Variants in DAPK2 observed in about 807,000 individuals in gnomAD.
The protein encoded by DAPK2 is death associated protein kinase 2, also known as death-associated protein kinase 2.
In DAPK2, 35 loss-of-function variants were observed where a neutral mutation model predicts 44.1. The observed-to-expected ratio is 0.79, with a 90% CI of 0.61 to 1.05. The LOEUF is 1.05. Among genes scored for constraint, DAPK2 ranks in the 50% least tolerant of loss-of-function variants. The pLI is 0.00. For synonymous variants in DAPK2, 174 were observed against 182.6 expected (o/e 0.95, Z 0.38); for missense variants, 453 against 483.2 (o/e 0.94, Z 0.59).
At chr15:64,024,261 G>A (rs2079771758) in intron 1 of DAPK2, among the ~76,000 whole-genome samples, 1 of 152,198 alleles carries the variant, frequency 6.6e-6, no homozygotes, top group East Asian at 1.9e-4. Context: ...GTCCTTGCCT[G>A]AGACTTCAAG....
At chr15:64,037,125 T>C (rs2080233288) in intron 1 of DAPK2, among the ~76,000 whole-genome samples, 1 of 152,142 alleles carries the variant, frequency 6.6e-6, no homozygotes, top group African/African-American at 2.4e-5. Flanking sequence ...CCCCAACCCA[T>C]GTGACCCCAA....
intron 1 of DAPK2, among the ~76,000 whole-genome samples, chr15:63,997,855 T>C (rs899483495): frequency 8.5e-5 from 13 of 152,152 alleles, no homozygotes; most frequent in African/African-American, 3.1e-4. Context: ...TGTTACAAGG[T>C]GGCTGTGAGA....
chr15:63,924,588 T>G (rs72752957), intron 8 of DAPK2: 1 of 526,176 alleles, frequency 1.9e-6, no homozygotes, highest in Non-Finnish European at 3.4e-6. Context: ...AGGGTTTCAT[T>G]TCATAAGTTA....
intron 3 of DAPK2, among the ~76,000 whole-genome samples, chr15:63,949,657 T>C (rs2077537600): frequency 6.6e-6 from 1 of 152,218 alleles, no homozygotes; most frequent in Admixed American, 6.5e-5. Flanking sequence ...CCAAGATGCA[T>C]GACTTCAAAG....
intron 1 of DAPK2, among the ~76,000 whole-genome samples, chr15:63,985,438 T>C (rs1208637890): frequency 6.6e-6 from 1 of 152,138 alleles, no homozygotes; most frequent in Non-Finnish European, 1.5e-5. Context: ...CAACAAACAC[T>C]TGACCGAGCT....
chr15:64,025,143 C>T (rs960855630), intron 1 of DAPK2, among the ~76,000 whole-genome samples: 2 of 152,122 alleles, frequency 1.3e-5, no homozygotes, highest in Non-Finnish European at 2.9e-5. Context: ...CTTGGTACTT[C>T]AAAGAGAGCA....
At chr15:64,031,376 G>C (rs540369105) in intron 1 of DAPK2, among the ~76,000 whole-genome samples, 23 of 152,234 alleles carry the variant, frequency 1.5e-4, no homozygotes, top group African/African-American at 5.5e-4. Context: ...GGGACTACAG[G>C]CGTGTGCCAC....
chr15:63,956,065 T>C (rs1292746384), intron 3 of DAPK2, among the ~76,000 whole-genome samples: 3 of 152,210 alleles, frequency 2.0e-5, no homozygotes, highest in African/African-American at 7.2e-5. Context: ...TTCTAGGTTG[T>C]CCAGCCTATT....
rs370370764 is a variant in DAPK2 at position 63,912,085 on chromosome 15, C to T, written c.948+23G>A. The T allele has an allele frequency of 8.3e-5, 134 of 1,607,422 alleles. No homozygotes were observed. The highest frequency in any genetic ancestry group is 1.1e-4 in the Non-Finnish European group (125 of 1,176,896). The stretch of plus-strand genomic sequence containing the variant: ...CCGCCCTAGCCCCCACCCTGTCCCC[C>T]GCCGCCCCAACCCTGGACACACCTT... On this transcript the variant is annotated intron_variant, in intron 9 of 10. Transcript: ENST00000261891. The surrounding 1 kb of genome is among the most constrained non-coding windows in gnomAD (Gnocchi z 4.4).
intron 1 of DAPK2, among the ~76,000 whole-genome samples, chr15:63,994,097 A>G (rs983275786): frequency 6.6e-6 from 1 of 152,162 alleles, no homozygotes; most frequent in Non-Finnish European, 1.5e-5. Context: ...AAACACCACA[A>G]AAGTATTTCT....
At chr15:64,042,495 A>G (rs1257872722), upstream of DAPK2, among the ~76,000 whole-genome samples, 2 of 152,202 alleles carry the variant, frequency 1.3e-5, no homozygotes, top group Non-Finnish European at 2.9e-5. This position sits in a 1 kb window ranked among gnomAD's most constrained non-coding sequence, Gnocchi z 4.7. Context: ...AGGAACAGCT[A>G]AGATCTCCCA....
chr15:63,937,029 G>A (rs1326717360), intron 4 of DAPK2, among the ~76,000 whole-genome samples: 4 of 148,944 alleles, frequency 2.7e-5, no homozygotes, highest in Non-Finnish European at 4.5e-5. Context: ...GGGCTTTTCA[G>A]AACACCTAAT....
chr15:63,926,632 G>A (rs779473744), intron 6 of DAPK2, among the ~76,000 whole-genome samples: 8 of 152,088 alleles, frequency 5.3e-5, no homozygotes, highest in Non-Finnish European at 8.8e-5. Context: ...TCCCCAACAG[G>A]GTTTGTCAAG....
At chr15:63,925,615 G>A (rs1199966130) in intron 7 of DAPK2, among the ~76,000 whole-genome samples, 1 of 150,752 alleles carries the variant, frequency 6.6e-6, no homozygotes, top group East Asian at 2.0e-4. Context: ...CTGAATTCCA[G>A]GTGCCTTTGG....
chr15:63,976,853 T>C (rs181091779), intron 2 of DAPK2, among the ~76,000 whole-genome samples: 2 of 152,368 alleles, frequency 1.3e-5, no homozygotes, highest in East Asian at 3.8e-4. Context: ...CACCTATTTC[T>C]TTTTGTTTAG....
At chr15:64,037,430 C>A (rs763977067) in intron 1 of DAPK2, among the ~76,000 whole-genome samples, 1 of 152,246 alleles carries the variant, frequency 6.6e-6, no homozygotes, top group African/African-American at 2.4e-5. Flanking sequence ...CAATCCCTTG[C>A]AGGGCATCCT....
At position 64,039,311 on chromosome 15, in the gene DAPK2, A is replaced by T. The variant is rs74021245; in HGVS notation, c.92+859T>A. Among the ~76,000 whole-genome samples, 917 of 152,376 alleles carry T rather than the reference A, an allele frequency of 6.0e-3. 12 individuals are homozygous for T. The highest frequency in any genetic ancestry group is 0.021 in the African/African-American group (861 of 41,588). ...TCTGATGAGCATGTGTGAGTGTACA[A>T]GTGCCAAGCTCATGGGAGAGGGCAT... On this transcript the variant is annotated intron_variant, in intron 1 of 10. Coordinates refer to ENST00000261891, the Ensembl canonical transcript of DAPK2.
intron 3 of DAPK2, among the ~76,000 whole-genome samples, chr15:63,969,522 T>C (rs535781677): frequency 8.8e-4 from 134 of 152,030 alleles, no homozygotes; most frequent in African/African-American, 3.0e-3. Flanking sequence ...GGTGGACCAC[T>C]TGAGCCCAGG....
At chr15:64,021,855 C>T (rs2079692479) in intron 1 of DAPK2, among the ~76,000 whole-genome samples, 1 of 152,148 alleles carries the variant, frequency 6.6e-6, no homozygotes, top group Admixed American at 6.5e-5. Flanking sequence ...AGGAAAAGAA[C>T]ATCTTATAAA....
Sources: gnomAD v4.1 joint callset for allele counts (sites outside exome capture counted in the v4.1 genomes callset) on GRCh38, gnomAD v4.1.1 for gene constraint, Gnocchi (gnomAD v3.1) non-coding constraint, MANE v1.5 for transcripts, NCBI Gene and HGNC (gene_info 2026-07-23, HGNC 2026-07-21) for gene names.